Variants in DOCK3 observed in about 807,000 individuals in gnomAD.
DOCK3 encodes dedicator of cytokinesis protein 3.
A neutral mutation model predicts 265.6 loss-of-function variants in DOCK3; 60 were observed. The ratio of observed to expected loss-of-function variants is 0.23; its 90% confidence interval spans 0.18 to 0.28. The LOEUF (loss-of-function observed/expected upper bound fraction) is 0.28. Among genes scored for constraint, DOCK3 ranks in the 10% least tolerant of loss-of-function variants. The probability of loss-of-function intolerance (pLI) is 1.00; values close to 1 mark genes in which losing one functional copy is unlikely to be tolerated. For missense variants in DOCK3, 1,981 were observed against 2,594.3 expected (o/e 0.76, Z 5.14); for synonymous variants, 881 against 938.0 (o/e 0.94, Z 1.11).
chr3:50,934,310 C>T (rs1202563208), intron 5 of DOCK3, among the ~76,000 whole-genome samples: 6 of 152,124 alleles, frequency 3.9e-5, no homozygotes, highest in Non-Finnish European at 8.8e-5. Flanking sequence ...TGTTACATAA[C>T]ACCAGGGATC....
chr3:51,282,323 C>A (rs2081167091), intron 27 of DOCK3, among the ~76,000 whole-genome samples: 1 of 120,316 alleles, frequency 8.3e-6, no homozygotes, highest in African/African-American at 3.1e-5. Flanking sequence ...AAAGACTCAT[C>A]ACAAATAGTG....
At position 51,276,518 on chromosome 3, in the gene DOCK3, C is replaced by G. The variant is rs2080827377; in HGVS notation, c.2677-1090C>G. On this transcript the variant is annotated intron_variant, in intron 25 of 52. Coordinates refer to ENST00000266037, the MANE Select transcript of DOCK3 (RefSeq NM_004947.5). Reference sequence around the variant, plus strand: ...AGTGTAATTAGTTGCTTATAACTACCCAAAGATACATCACTGGTAAGTGTT... The same window carrying G: ...AGTGTAATTAGTTGCTTATAACTACGCAAAGATACATCACTGGTAAGTGTT... 3 of 740,752 alleles carry G rather than the reference C, an allele frequency of 4.0e-6. No homozygotes were observed. In the South Asian group the frequency reaches 1.8e-4, roughly 45 times the overall value. The allele number at this position is 740,752 out of a possible 1,614,324, so 45.9% of individuals were successfully genotyped here. A position where few individuals can be genotyped will look rare whatever the true frequency, so the allele number is the denominator to read the frequency against.
intron 4 of DOCK3, 94 bp downstream of exon 4, chr3:50,890,175 T>C: frequency 1.0e-6 from 1 of 994,066 alleles, no homozygotes; most frequent in Non-Finnish European, 1.4e-6. Flanking sequence ...AAATATACAA[T>C]TGATATGTTT....
intron 39 of DOCK3, 46 bp from the exon 40 acceptor site, chr3:51,350,242 A>G: frequency 1.3e-6 from 2 of 1,548,394 alleles, no homozygotes; most frequent in Non-Finnish European, 1.7e-6. Context: ...CTTCCTTTGG[A>G]TACCAACAGC....
chr3:51,277,021 C>T (rs777399900), intron 25 of DOCK3, among the ~76,000 whole-genome samples: 18 of 152,116 alleles, frequency 1.2e-4, no homozygotes, highest in African/African-American at 3.9e-4. Flanking sequence ...CCCTGTAACA[C>T]GAGCAAGAGA....
chr3:51,233,305 G>A (rs1256583021), intron 19 of DOCK3, among the ~76,000 whole-genome samples: 1 of 149,968 alleles, frequency 6.7e-6, no homozygotes, highest in African/African-American at 2.5e-5. Flanking sequence ...TCTTTTAGCA[G>A]TATTCTTTCT....
At chr3:51,227,919 A>G in intron 16 of DOCK3, 63 bp from the exon 17 acceptor site, 1 of 1,506,312 alleles carries the variant, frequency 6.6e-7, no homozygotes, top group Admixed American at 1.8e-5. Flanking sequence ...AAGCACAAGG[A>G]GAATTTCCAT....
chr3:50,809,663 G>A (rs2043626537), intron 2 of DOCK3, among the ~76,000 whole-genome samples: 1 of 152,196 alleles, frequency 6.6e-6, no homozygotes, highest in African/African-American at 2.4e-5. Flanking sequence ...ATCAGCAGTA[G>A]AATGGGCAAA....
Position 51,339,015 on chromosome 3 carries a change from C to G in DOCK3, c.3753C>G (p.Ala1251=), listed in dbSNP as rs760963651. Residue 1251 remains alanine, a synonymous_variant, in exon 37 of 53, where the codon GCC becomes GCG. Coordinates refer to ENST00000266037, the MANE Select transcript of DOCK3 (RefSeq NM_004947.5). ...AGCTTTGTGACATGCACTTGCAGGC[C>G]GAAAACTACACAGGTAAGTGGGGAG... ...IHKLCDMHLQ[A]ENYTEAAFTL... 22 of 1,597,764 alleles carry G rather than the reference C, an allele frequency of 1.4e-5. No individual in the cohort carries two copies. Among genetic ancestry groups the G allele is most frequent in the Non-Finnish European group, 1.8e-5 (21 of 1,172,242 alleles).
chr3:50,976,650 C>CT (rs1480301414), intron 5 of DOCK3, among the ~76,000 whole-genome samples: 2 of 151,970 alleles, frequency 1.3e-5, no homozygotes, highest in Non-Finnish European at 2.9e-5. Context: ...CTCTAGATGT[C>CT]TATTAGGTCT....
chr3:51,083,374 C>T (rs1444571692), intron 7 of DOCK3, among the ~76,000 whole-genome samples: 2 of 152,090 alleles, frequency 1.3e-5, no homozygotes, highest in African/African-American at 4.8e-5. Flanking sequence ...AATGTAAGGA[C>T]ACAAGAAACA....
intron 9 of DOCK3, among the ~76,000 whole-genome samples, chr3:51,127,612 A>T (rs1259747985): frequency 6.6e-6 from 1 of 152,244 alleles, no homozygotes; most frequent in South Asian, 2.1e-4. Context: ...GTACAAGTGT[A>T]TACATGCACA....
chr3:50,765,692 C>T (rs1324054159), intron 1 of DOCK3, among the ~76,000 whole-genome samples: 1 of 152,024 alleles, frequency 6.6e-6, no homozygotes, highest in African/African-American at 2.4e-5. Context: ...GATACATGTA[C>T]ACATTGTGTA....
chr3:50,974,157 G>A (rs1326174959), intron 5 of DOCK3, among the ~76,000 whole-genome samples: 2 of 151,932 alleles, frequency 1.3e-5, no homozygotes, highest in African/African-American at 4.8e-5. Context: ...GATCCCATTT[G>A]TCAATTTTGT....
At chr3:50,878,192 A>G (rs1171781968) in intron 3 of DOCK3, among the ~76,000 whole-genome samples, 1 of 152,196 alleles carries the variant, frequency 6.6e-6, no homozygotes, top group Non-Finnish European at 1.5e-5. Flanking sequence ...AGAAAAGCTG[A>G]AAATTCTAAA....
chr3:51,016,558 A>ATATATATTTATG, intron 5 of DOCK3, among the ~76,000 whole-genome samples: 1 of 1,654 alleles, frequency 6.0e-4, no homozygotes, highest in African/African-American at 4.3e-3. Context: ...TATATATATC[A>ATATATATTTATG]TATATTATAT....
intron 5 of DOCK3, among the ~76,000 whole-genome samples, chr3:51,010,045 G>T (rs2078879037): frequency 6.6e-6 from 1 of 152,156 alleles, no homozygotes; most frequent in Non-Finnish European, 1.5e-5. Context: ...CAACTCTGTG[G>T]TCAATTTTGG....
intron 2 of DOCK3, among the ~76,000 whole-genome samples, chr3:50,827,352 G>C (rs1468710790): frequency 6.6e-6 from 1 of 152,160 alleles, no homozygotes; most frequent in Admixed American, 6.5e-5. Flanking sequence ...CAGATTTAAT[G>C]CCTAGTAAGA....
chr3:51,297,876 A>G (rs140861370), intron 27 of DOCK3, among the ~76,000 whole-genome samples: 115 of 152,036 alleles, frequency 7.6e-4, no homozygotes, highest in African/African-American at 2.7e-3. Flanking sequence ...GACTTTCTTT[A>G]TTCAAGAGAC....
Sources: gnomAD v4.1 joint callset for allele counts (sites outside exome capture counted in the v4.1 genomes callset) on GRCh38, gnomAD v4.1.1 for gene constraint, MANE v1.5 for transcripts, NCBI Gene and HGNC (gene_info 2026-07-23, HGNC 2026-07-21) for gene names.